Variants in RAB27B observed in about 807,000 individuals in gnomAD.
The protein encoded by RAB27B is ras-related protein Rab-27B.
RAB27B carries 15 observed loss-of-function variants against 24.6 expected under a neutral mutation model. That is an observed-to-expected ratio of 0.61 (90% CI 0.41 to 0.94). The LOEUF (loss-of-function observed/expected upper bound fraction) is 0.94. Ranked by LOEUF, RAB27B falls within the 40% of genes least tolerant of loss-of-function variation. The pLI is 0.00. For synonymous variants in RAB27B, 105 were observed against 92.5 expected, an observed-to-expected ratio of 1.14 and a Z score of -0.78; for missense variants, 261 against 266.8, an observed-to-expected ratio of 0.98 and a Z score of 0.15.
At chr18:54,848,419 A>G (rs940329621) in intron 1 of RAB27B, among the ~76,000 whole-genome samples, 2 of 152,330 alleles carry the variant, frequency 1.3e-5, no homozygotes, top group East Asian at 1.9e-4. Context: ...TTATTCATAA[A>G]TAGATGTACA....
intron 2 of RAB27B, among the ~76,000 whole-genome samples, chr18:54,799,512 AATT>A (rs1422887328): frequency 1.3e-5 from 2 of 152,054 alleles, no homozygotes; most frequent in African/African-American, 4.8e-5. Flanking sequence ...TGAAAATAAT[AATT>A]TCTGTTTTTT....
intron 2 of RAB27B, among the ~76,000 whole-genome samples, chr18:54,807,094 T>A (rs62094571): frequency 0.41 from 61,500 of 151,832 alleles, 14,148 homozygotes; most frequent in Non-Finnish European, 0.52. Flanking sequence ...ACAGATGGGG[T>A]TTCACCATGT....
At chr18:54,740,813 T>TGATA (rs959773550) in intron 2 of RAB27B, among the ~76,000 whole-genome samples, 13 of 152,076 alleles carry the variant, frequency 8.5e-5, no homozygotes, top group African/African-American at 2.7e-4. Flanking sequence ...CATAGACAGA[T>TGATA]GATAGATAGA....
chr18:54,843,204 A>T (rs1281578174), intron 1 of RAB27B, among the ~76,000 whole-genome samples: 7 of 152,234 alleles, frequency 4.6e-5, no homozygotes, highest in Non-Finnish European at 7.3e-5. Flanking sequence ...AGCAAGGAAC[A>T]TAACCTGCAT....
rs933009825 is a variant in RAB27B, at chr18:54,890,052, A to G, written c.*639A>G. ...AATGCCGTCTTTATATTCTTAATAA[A>G]TAGCACTTTGACAAGAACAGGACTG... On this transcript the variant is annotated 3_prime_UTR_variant, in exon 6 of 6. Coordinates refer to ENST00000262094, the MANE Select transcript of RAB27B (RefSeq NM_004163.4). 1.3e-5 allele frequency: 2 copies of G among 152,124 alleles called. No homozygotes were observed. The highest frequency in any genetic ancestry group is 2.9e-5 in the Non-Finnish European group (2 of 67,998). The allele number at this position is 152,124 out of a possible 1,614,324, so 9.4% of individuals were successfully genotyped here. A position where few individuals can be genotyped will look rare whatever the true frequency, so the allele number is the denominator to read the frequency against.
At chr18:54,819,096 C>T (rs1965663) in intron 2 of RAB27B, among the ~76,000 whole-genome samples, 149,576 of 149,868 alleles carry the variant, frequency 1, 74,642 homozygotes, top group Non-Finnish European at 1. Context: ...ATTGTATGGC[C>T]GTAGTATTTA....
intron 2 of RAB27B, among the ~76,000 whole-genome samples, chr18:54,779,729 G>A (rs1295530612): frequency 3.9e-5 from 6 of 152,284 alleles, no homozygotes; most frequent in African/African-American, 1.4e-4. Flanking sequence ...AAGACCTATT[G>A]CATTAATTTT....
chr18:54,801,612 G>T (rs758931330), intron 2 of RAB27B, among the ~76,000 whole-genome samples: 7 of 152,100 alleles, frequency 4.6e-5, no homozygotes, highest in Non-Finnish European at 8.8e-5. Flanking sequence ...ACGATTCTTT[G>T]TTGGGGCTTG....
intron 1 of RAB27B, among the ~76,000 whole-genome samples, chr18:54,840,889 C>T (rs1309735361): frequency 1.3e-5 from 2 of 152,046 alleles, no homozygotes; most frequent in Non-Finnish European, 2.9e-5. Flanking sequence ...TGGCTCAAGC[C>T]TGTAATCCCA....
rs369892270 is a variant in RAB27B at position 54,889,174 on chromosome 18, C to T, written c.468-50C>T. On this transcript the variant is annotated intron_variant, in intron 5 of 5. Coordinates refer to ENST00000262094, the MANE Select transcript of RAB27B (RefSeq NM_004163.4). ...GATTCACTTGTACATCTTGCTGTAT[C>T]TGTTCTGATTTCTTCCTCTCAAAAA... 1.1e-5 allele frequency: 17 copies of T among 1,512,626 alleles called. No individual in the cohort carries two copies. The African/African-American group carries it at 2.2e-4, about 20-fold the overall frequency. The allele number at this position is 1,512,626 out of a possible 1,614,324, so 93.7% of individuals were successfully genotyped here.
intron 2 of RAB27B, among the ~76,000 whole-genome samples, chr18:54,795,520 A>G (rs1186363130): frequency 6.6e-6 from 1 of 152,214 alleles, no homozygotes; most frequent in Non-Finnish European, 1.5e-5. Context: ...AAATGTGACT[A>G]TGTGTGAGAA....
intron 2 of RAB27B, among the ~76,000 whole-genome samples, chr18:54,808,586 G>A (rs914732958): frequency 6.6e-6 from 1 of 152,190 alleles, no homozygotes; most frequent in Non-Finnish European, 1.5e-5. Flanking sequence ...AAACAAAGCC[G>A]ATATCCATGT....
At chr18:54,870,645 C>T (rs1178824674) in intron 1 of RAB27B, among the ~76,000 whole-genome samples, 1 of 152,054 alleles carries the variant, frequency 6.6e-6, no homozygotes, top group African/African-American at 2.4e-5. Context: ...CATATGAAAA[C>T]ATACTTTGAT....
At chr18:54,779,136 C>T (rs1429555690) in intron 2 of RAB27B, among the ~76,000 whole-genome samples, 1 of 152,156 alleles carries the variant, frequency 6.6e-6, no homozygotes, top group African/African-American at 2.4e-5. Flanking sequence ...CCGTACCTGG[C>T]GCAGTTAAGT....
In RAB27B at chr18:54,737,586, G is replaced by A. The variant is rs143946867; in HGVS notation, c.-20+19445G>A. Among the ~76,000 whole-genome samples the A allele has an allele frequency of 4.5e-3, 680 of 152,140 alleles. 4 individuals are homozygous for A. Among genetic ancestry groups the A allele is most frequent in the Admixed American group, 9.4e-3 (144 of 15,264 alleles). ...TGTTGCTGGGTTTGGCATCTTTCTC[G>A]AATGTGAGCACAAAATAATCTTTGT... On this transcript the variant is annotated intron_variant, in intron 2 of 4. Transcript: ENST00000586570.
intron 2 of RAB27B, among the ~76,000 whole-genome samples, chr18:54,766,336 A>C (rs192798657): frequency 5.0e-3 from 757 of 152,290 alleles, no homozygotes; most frequent in Admixed American, 5.5e-3. Flanking sequence ...GTTGTTTTGC[A>C]GTTGAGTAGA....
intron 1 of RAB27B, among the ~76,000 whole-genome samples, chr18:54,867,490 A>G (rs966312374): frequency 3.6e-4 from 45 of 126,166 alleles, no homozygotes; most frequent in African/African-American, 1.3e-3. Context: ...TCTGTTGCCC[A>G]GAATGGAGTG....
intron 1 of RAB27B, among the ~76,000 whole-genome samples, chr18:54,846,950 G>A (rs544152568): frequency 7.9e-5 from 12 of 152,040 alleles, no homozygotes; most frequent in Non-Finnish European, 1.3e-4. Flanking sequence ...TCCTGGGTTC[G>A]AGCGATTCTC....
rs558512263 is a variant in RAB27B at position 54,765,748 on chromosome 18, C to T, written c.-20+47607C>T. ...TTTCCCCATACCCACTTCAACCACA[C>T]AATTAGCTGCCTACAGGAAACATTT... On this transcript the variant is annotated intron_variant, in intron 2 of 4. Transcript: ENST00000586570. 3.9e-5 allele frequency among the ~76,000 whole-genome samples: 6 copies of T among 152,284 alleles called. No individual in the cohort carries two copies. The South Asian group carries it at 1.2e-3, about 32-fold the overall frequency.
Sources: gnomAD v4.1 joint callset for allele counts (sites outside exome capture counted in the v4.1 genomes callset) on GRCh38, gnomAD v4.1.1 for gene constraint, MANE v1.5 for transcripts, NCBI Gene and HGNC (gene_info 2026-07-23, HGNC 2026-07-21) for gene names.